Variants in HECA observed in about 807,000 individuals in gnomAD.
HECA encodes HECA ribonucleoprotein granule regulator.
In HECA, 13 loss-of-function variants were observed where a neutral mutation model predicts 37.6. The ratio of observed to expected loss-of-function variants is 0.35; its 90% CI spans 0.23 to 0.55. The LOEUF is 0.55. Among genes scored for constraint, HECA ranks in the 20% least tolerant of loss-of-function variants. The pLI, the probability that HECA is intolerant of heterozygous loss-of-function variation, is 0.90. For missense variants in HECA, 527 were observed against 701.9 expected, an observed-to-expected ratio of 0.75 and a Z score of 2.82; for synonymous variants, 307 against 291.5, an observed-to-expected ratio of 1.05 and a Z score of -0.54.
chr6:139,162,516 CAG>C (rs1774820403), intron 1 of HECA, among the ~76,000 whole-genome samples: 1 of 152,176 alleles, frequency 6.6e-6, no homozygotes, highest in Non-Finnish European at 1.5e-5. Context: ...AGTCTGGTTG[CAG>C]AGTCTGAACT....
chr6:139,157,048 C>T (rs1433141813), intron 1 of HECA, among the ~76,000 whole-genome samples: 1 of 152,174 alleles, frequency 6.6e-6, no homozygotes, highest in Non-Finnish European at 1.5e-5. Flanking sequence ...CAGAGCAGCC[C>T]CAAGGGCTGC....
chr6:139,158,534 G>T (rs2114457072), intron 1 of HECA, among the ~76,000 whole-genome samples: 1 of 151,766 alleles, frequency 6.6e-6, no homozygotes, highest in South Asian at 2.1e-4. Flanking sequence ...GGGAGTGGTG[G>T]CGTGCACCTG....
At chr6:139,152,334 A>G (rs1304907298) in intron 1 of HECA, among the ~76,000 whole-genome samples, 2 of 152,108 alleles carry the variant, frequency 1.3e-5, no homozygotes, top group Non-Finnish European at 2.9e-5. Flanking sequence ...TTTCAAAGTA[A>G]GAAAAGGGTG....
chr6:139,135,159 CG>C lies in HECA; in HGVS notation c.-236del. 1 of 187,704 alleles carries C rather than the reference CG, an allele frequency of 5.3e-6. No homozygotes were observed. Among genetic ancestry groups the C allele is most frequent in the Non-Finnish European group, 1.1e-5 (1 of 92,782 alleles). 11.6% of individuals were successfully genotyped at this position (187,704 alleles called of 1,614,324 possible). A position where few individuals can be genotyped will look rare whatever the true frequency, so the allele number is the denominator to read the frequency against. ...GCGTCTCGCTTGCGCCCCGGGCCCG[CG>C]GCGCCCGCGCGGCTGCGAGCCTCGG... On this transcript the variant is annotated 5_prime_UTR_variant, in exon 1 of 4. Coordinates refer to ENST00000367658, the MANE Select transcript of HECA (RefSeq NM_016217.3).
At chr6:139,136,503 C>T (rs1378139168) in intron 1 of HECA, among the ~76,000 whole-genome samples, 1 of 152,066 alleles carries the variant, frequency 6.6e-6, no homozygotes, top group Non-Finnish European at 1.5e-5. Context: ...CTTTGAATTC[C>T]TCTAGTCAGG....
chr6:139,150,127 G>A (rs141007451), intron 1 of HECA, among the ~76,000 whole-genome samples: 2 of 152,274 alleles, frequency 1.3e-5, no homozygotes, highest in African/African-American at 2.4e-5. Flanking sequence ...TGTTGTAAAA[G>A]CATTTTGAAA....
In HECA at chr6:139,167,095, G is replaced by C. The variant is rs1410159475; in HGVS notation, c.1083G>C (p.Leu361=). Residue 361 remains leucine, a synonymous_variant, in exon 2 of 4, where the codon CTG becomes CTC. Coordinates refer to ENST00000367658, the MANE Select transcript of HECA (RefSeq NM_016217.3). ...TCACTCACATCCCCAGGCATAAGCTGAACACTTTCCACGTGCGCATGGAAG... is the reference window on the plus strand; with the variant it reads ...TCACTCACATCCCCAGGCATAAGCTCAACACTTTCCACGTGCGCATGGAAG... ...ELLTHIPRHK[L]NTFHVRMEDD... 1.9e-6 allele frequency: 3 copies of C among 1,614,184 alleles called. No homozygotes were observed. The highest frequency in any genetic ancestry group is 8.5e-7 in the Non-Finnish European group (1 of 1,180,030).
intron 2 of HECA, among the ~76,000 whole-genome samples, chr6:139,171,454 T>A (rs2114486409): frequency 6.6e-6 from 1 of 152,272 alleles, no homozygotes; most frequent in South Asian, 2.1e-4. Context: ...GATCAGGGTG[T>A]TTAATTATTA....
intron 1 of HECA, among the ~76,000 whole-genome samples, chr6:139,143,424 A>C (rs1236502969): frequency 1.3e-5 from 2 of 152,186 alleles, no homozygotes; most frequent in African/African-American, 4.8e-5. Context: ...GTTTTTATTC[A>C]AGCACTGCTT....
Position 139,177,324 on chromosome 6 carries a change from A to G in HECA, c.*219A>G. The G allele has an allele frequency of 2.6e-6, 1 of 379,154 alleles. No homozygotes were observed. The highest frequency in any genetic ancestry group is 6.5e-5 in the South Asian group (1 of 15,356). 23.5% of individuals were successfully genotyped at this position (379,154 alleles called of 1,614,324 possible). On this transcript the variant is annotated 3_prime_UTR_variant, in exon 4 of 4. Transcript: ENST00000367658. This position sits in a 1 kb window ranked among gnomAD's most constrained non-coding sequence, Gnocchi z 4.9. ...AGAGCCCAGATGGGTAATCCTGTGC[A>G]TTTGGGTTGGGGTTCACTCTTACCA...
At chr6:139,162,887 A>G (rs1240189815) in intron 1 of HECA, among the ~76,000 whole-genome samples, 3 of 152,142 alleles carry the variant, frequency 2.0e-5, no homozygotes, top group African/African-American at 2.4e-5. Context: ...CCCTGAGCTC[A>G]TGAACATGGT....
intron 1 of HECA, among the ~76,000 whole-genome samples, chr6:139,146,572 G>C (rs980830201): frequency 6.6e-6 from 1 of 152,186 alleles, no homozygotes; most frequent in Non-Finnish European, 1.5e-5. Flanking sequence ...GGCTATTTTT[G>C]ATTGGCAGCG....
At chr6:139,154,471 A>C (rs1321829535) in intron 1 of HECA, among the ~76,000 whole-genome samples, 1 of 152,242 alleles carries the variant, frequency 6.6e-6, no homozygotes, top group Non-Finnish European at 1.5e-5. Context: ...TATAGACATC[A>C]TATCACCTAT....
intron 1 of HECA, among the ~76,000 whole-genome samples, chr6:139,148,975 CTCT>C (rs1488236088): frequency 3.3e-5 from 5 of 152,204 alleles, no homozygotes; most frequent in African/African-American, 1.2e-4. Context: ...TTGTAATTGC[CTCT>C]TCTCAAGAAC....
chr6:139,171,181 T>C (rs1014358363), intron 2 of HECA, among the ~76,000 whole-genome samples: 4 of 151,890 alleles, frequency 2.6e-5, no homozygotes, highest in Admixed American at 6.6e-5. Flanking sequence ...TTTATAACAG[T>C]GGTGGTTAAA....
At chr6:139,149,222 G>A (rs1774623020) in intron 1 of HECA, among the ~76,000 whole-genome samples, 1 of 152,138 alleles carries the variant, frequency 6.6e-6, no homozygotes, top group African/African-American at 2.4e-5. Context: ...AGATGTCTGT[G>A]ATTTGGAAGA....
chr6:139,157,569 T>C (rs1774734893), intron 1 of HECA, among the ~76,000 whole-genome samples: 1 of 152,246 alleles, frequency 6.6e-6, no homozygotes, highest in Non-Finnish European at 1.5e-5. Flanking sequence ...TGAATTATCT[T>C]ATGCATGCCA....
chr6:139,142,758 C>T (rs1281289390), intron 1 of HECA, among the ~76,000 whole-genome samples: 1 of 152,098 alleles, frequency 6.6e-6, no homozygotes, highest in Non-Finnish European at 1.5e-5. Flanking sequence ...CCAGCCTGAC[C>T]AACATGCTGA....
rs1285961907 is a variant in HECA at position 139,177,705 on chromosome 6, AAAT to A, written c.*601_*603del. On this transcript the variant is annotated 3_prime_UTR_variant, in exon 4 of 4. Transcript: ENST00000367658. This position sits in a 1 kb window ranked among gnomAD's most constrained non-coding sequence, Gnocchi z 4.9. Reference sequence around the variant, plus strand: ...ATTTTTCATGCTGAAAGTAATATCCAAATTGTAAGACATATGAAAGATATTAGT... The same window carrying A: ...ATTTTTCATGCTGAAAGTAATATCCATGTAAGACATATGAAAGATATTAGT... 1 of 152,522 alleles carries A rather than the reference AAAT, an allele frequency of 6.6e-6. No homozygotes were observed. Among genetic ancestry groups the A allele is most frequent in the East Asian group, 1.9e-4 (1 of 5,204 alleles). The allele number at this position is 152,522 out of a possible 1,614,324, so 9.4% of individuals were successfully genotyped here.
Sources: allele counts gnomAD v4.1 joint callset (sites outside exome capture counted in the v4.1 genomes callset), GRCh38; gene constraint gnomAD v4.1.1; non-coding constraint Gnocchi (gnomAD v3.1); transcripts MANE v1.5; gene names NCBI Gene and HGNC (gene_info 2026-07-23, HGNC 2026-07-21).